XKR6: variants seen among roughly 807,000 people sequenced by gnomAD.
XKR6 encodes XK related 6, also known as XK-related protein 6.
In XKR6, 22 loss-of-function variants were observed where a neutral mutation model predicts 56.7. That is an observed-to-expected ratio of 0.39 (90% CI 0.28 to 0.55). The LOEUF is 0.55. XKR6 is among the 20% of genes least tolerant of loss of function. The pLI, the probability that XKR6 is intolerant of heterozygous loss-of-function variation, is 0.66. For synonymous variants in XKR6, 524 were observed against 387.8 expected (o/e 1.35, Z -4.13); for missense variants, 852 against 889.0 (o/e 0.96, Z 0.53).
chr8:11,171,598 G>A (rs1168054432), intron 1 of XKR6, among the ~76,000 whole-genome samples: 1 of 152,162 alleles, frequency 6.6e-6, no homozygotes, highest in Non-Finnish European at 1.5e-5. Context: ...GCTCTCTCCT[G>A]CTTTCCTTCT....
intron 1 of XKR6, among the ~76,000 whole-genome samples, chr8:11,110,287 T>A (rs1044921111): frequency 1.2e-4 from 19 of 152,120 alleles, no homozygotes; most frequent in African/African-American, 4.3e-4. Flanking sequence ...AAAACCTACT[T>A]TATGTTTTCA....
At chr8:11,191,490 G>A (rs145893132) in intron 1 of XKR6, among the ~76,000 whole-genome samples, 190 of 152,236 alleles carry the variant, frequency 1.2e-3, no homozygotes, top group Non-Finnish European at 2.0e-3. Flanking sequence ...GACAAAACAC[G>A]TATGGGGCGC....
chr8:11,059,736 C>T (rs1407996967), intron 1 of XKR6, among the ~76,000 whole-genome samples: 1 of 150,654 alleles, frequency 6.6e-6, no homozygotes, highest in Non-Finnish European at 1.5e-5. Flanking sequence ...CCCGCGCCCC[C>T]CGGACCCCGC....
chr8:11,180,670 C>T (rs1267998144), intron 1 of XKR6, among the ~76,000 whole-genome samples: 1 of 152,114 alleles, frequency 6.6e-6, no homozygotes, highest in African/African-American at 2.4e-5. Context: ...TTTGCAAAGC[C>T]CAGGTGGGAG....
chr8:11,029,522 C>T (rs143373015), intron 1 of XKR6, among the ~76,000 whole-genome samples: 22 of 152,246 alleles, frequency 1.4e-4, no homozygotes, highest in Middle Eastern at 6.8e-3. Flanking sequence ...GAGCATACTA[C>T]CAGGAAGAGG....
intron 1 of XKR6, among the ~76,000 whole-genome samples, chr8:10,995,693 C>CAAAA (rs33957321): frequency 8.7e-6 from 1 of 114,976 alleles, no homozygotes; most frequent in African/African-American, 3.0e-5. Context: ...ATCTCCCCAC[C>CAAAA]AAAAAAAAAA....
chr8:10,912,952 C>T (rs1013994411), intron 2 of XKR6, among the ~76,000 whole-genome samples: 1 of 145,674 alleles, frequency 6.9e-6, no homozygotes, highest in Non-Finnish European at 1.5e-5. Flanking sequence ...CTATAGAGGG[C>T]GAGTACATCT....
intron 1 of XKR6, among the ~76,000 whole-genome samples, chr8:11,112,817 T>C (rs1397368134): frequency 6.6e-6 from 1 of 152,218 alleles, no homozygotes; most frequent in Non-Finnish European, 1.5e-5. Context: ...TTTTTCTTAG[T>C]GTATGTGAAT....
intron 1 of XKR6, among the ~76,000 whole-genome samples, chr8:11,008,934 C>A (rs1442327294): frequency 6.6e-6 from 1 of 152,162 alleles, no homozygotes; most frequent in Non-Finnish European, 1.5e-5. Flanking sequence ...AATCTCTTGA[C>A]ATGCACAAAG....
intron 1 of XKR6, among the ~76,000 whole-genome samples, chr8:11,166,646 C>G (rs1003958765): frequency 2.0e-5 from 3 of 152,066 alleles, no homozygotes; most frequent in Non-Finnish European, 4.4e-5. Flanking sequence ...GACCTTGGCT[C>G]ACTGCAACCT....
At chr8:11,010,400 G>A (rs1798473179) in intron 1 of XKR6, among the ~76,000 whole-genome samples, 1 of 152,180 alleles carries the variant, frequency 6.6e-6, no homozygotes, top group South Asian at 2.1e-4. Context: ...GCACTTATTA[G>A]TGGTATGACT....
intron 1 of XKR6, among the ~76,000 whole-genome samples, chr8:11,192,222 G>C (rs1024730549): frequency 6.6e-6 from 1 of 151,986 alleles, no homozygotes; most frequent in South Asian, 2.1e-4. Flanking sequence ...GCAGTGGCAC[G>C]ATCTGGGCTC....
At chr8:11,116,911 T>C (rs1799204574) in intron 1 of XKR6, among the ~76,000 whole-genome samples, 1 of 152,174 alleles carries the variant, frequency 6.6e-6, no homozygotes, top group Non-Finnish European at 1.5e-5. Flanking sequence ...GATGATAAAA[T>C]AAGGAGGCTG....
intron 1 of XKR6, among the ~76,000 whole-genome samples, chr8:11,089,448 C>T (rs1797995616): frequency 6.6e-6 from 1 of 152,022 alleles, no homozygotes; most frequent in Admixed American, 6.6e-5. Context: ...CTGGACAATA[C>T]AGCAAGACCC....
intron 1 of XKR6, among the ~76,000 whole-genome samples, chr8:11,174,200 T>C (rs1476057716): frequency 6.6e-6 from 1 of 152,172 alleles, no homozygotes; most frequent in African/African-American, 2.4e-5. Context: ...TGAATGAAAA[T>C]GAGAGGGAAC....
At chr8:11,144,338 A>T (rs1800870717) in intron 1 of XKR6, among the ~76,000 whole-genome samples, 1 of 150,520 alleles carries the variant, frequency 6.6e-6, no homozygotes, top group Non-Finnish European at 1.5e-5. Context: ...TAACCCCAGA[A>T]GGAAAGACAG....
At chr8:11,099,266 C>T (rs1798378438) in intron 1 of XKR6, among the ~76,000 whole-genome samples, 1 of 152,208 alleles carries the variant, frequency 6.6e-6, no homozygotes, top group Non-Finnish European at 1.5e-5. Flanking sequence ...GCAAGGCTGT[C>T]CAGCTGACTT....
chr8:10,899,045 A>C, intron 2 of XKR6, 129 bp from the exon 3 acceptor site: 1 of 1,387,236 alleles, frequency 7.2e-7, no homozygotes, highest in Non-Finnish European at 9.6e-7. Flanking sequence ...GAAACACAGA[A>C]TCAGGAACCG....
chr8:11,183,514 T>C (rs574379840), intron 1 of XKR6, among the ~76,000 whole-genome samples: 1 of 151,506 alleles, frequency 6.6e-6, no homozygotes, highest in Admixed American at 6.6e-5. Context: ...AGACATAGGG[T>C]CCCACCATGC....
Sources: allele counts gnomAD v4.1 joint callset (sites outside exome capture counted in the v4.1 genomes callset), GRCh38; gene constraint gnomAD v4.1.1; transcripts MANE v1.5; gene names NCBI Gene and HGNC (gene_info 2026-07-23, HGNC 2026-07-21).